The following SULF2 variants were observed in gnomAD, a reference collection of about 807,000 sequenced individuals.
SULF2 encodes the protein sulfatase 2, also known as extracellular sulfatase Sulf-2.
Under a neutral mutation model 107.7 loss-of-function variants are expected in SULF2, and 52 were observed. The ratio of observed to expected loss-of-function variants is 0.48; its 90% CI spans 0.39 to 0.61. The LOEUF (loss-of-function observed/expected upper bound fraction) is 0.61. Ranked by LOEUF, SULF2 falls within the 20% of genes least tolerant of loss-of-function variation. The pLI is 0.00. For missense variants in SULF2, 993 were observed against 1,177.3 expected (o/e 0.84, Z 2.29); for synonymous variants, 460 against 464.3 (o/e 0.99, Z 0.12).
chr20:47,777,364 C>T (rs1364433684), intron 1 of SULF2, among the ~76,000 whole-genome samples: 1 of 151,884 alleles, frequency 6.6e-6, no homozygotes, highest in African/African-American at 2.4e-5. Context: ...AGAGAGACAG[C>T]AAGGAGTCCT....
chr20:47,685,899 G>T (rs938507373), intron 5 of SULF2: 14 of 152,266 alleles, frequency 9.2e-5, no homozygotes, highest in African/African-American at 3.1e-4. Context: ...ACCCCAAGCA[G>T]GTATCTATGA....
intron 3 of SULF2, among the ~76,000 whole-genome samples, chr20:47,720,373 A>T (rs1424565451): frequency 6.6e-6 from 1 of 151,914 alleles, no homozygotes; most frequent in African/African-American, 2.4e-5. Flanking sequence ...CTCCCACCTT[A>T]GCCTCCTGAG....
At chr20:47,687,258 C>CT (rs2088038689) in intron 5 of SULF2, among the ~76,000 whole-genome samples, 1 of 152,134 alleles carries the variant, frequency 6.6e-6, no homozygotes, top group Non-Finnish European at 1.5e-5. Context: ...CCGGGTGGTG[C>CT]TTGGGGTCGA....
chr20:47,751,335 A>C (rs2090153939), intron 2 of SULF2, among the ~76,000 whole-genome samples: 1 of 152,186 alleles, frequency 6.6e-6, no homozygotes, highest in South Asian at 2.1e-4. Context: ...CTCATGGTTC[A>C]AGTGGGGTTG....
chr20:47,749,325 G>C (rs2090113263), intron 2 of SULF2, among the ~76,000 whole-genome samples: 1 of 152,110 alleles, frequency 6.6e-6, no homozygotes, highest in South Asian at 2.1e-4. Flanking sequence ...TTAACTTCCA[G>C]AACTCAAGTG....
chr20:47,734,148 G>C (rs926142715), intron 3 of SULF2, among the ~76,000 whole-genome samples: 1 of 152,186 alleles, frequency 6.6e-6, no homozygotes, highest in African/African-American at 2.4e-5. Context: ...TCACCAATGG[G>C]AAATAAGGAG....
chr20:47,697,412 C>T (rs1235332897), intron 4 of SULF2, among the ~76,000 whole-genome samples: 3 of 152,184 alleles, frequency 2.0e-5, no homozygotes, highest in African/African-American at 2.4e-5. Context: ...CAACAAGGCC[C>T]GCCCGAGGCC....
At chr20:47,740,772 C>T (rs925637685) in intron 2 of SULF2, among the ~76,000 whole-genome samples, 12 of 152,104 alleles carry the variant, frequency 7.9e-5, no homozygotes, top group Non-Finnish European at 1.5e-4. Context: ...TTGGTAAAAC[C>T]CGGACCTGAC....
intron 4 of SULF2, among the ~76,000 whole-genome samples, chr20:47,693,062 A>T (rs1044173737): frequency 6.6e-6 from 1 of 152,206 alleles, no homozygotes; most frequent in Non-Finnish European, 1.5e-5. Context: ...TGCTCCTTGA[A>T]TATTATTTAT....
Position 47,676,515 on chromosome 20 carries a change from C to A in SULF2, c.1359G>T (p.Thr453=). ...KDLCQRAEYQ[T]ACEQLGQKWQ... Reference sequence around the variant, plus strand: ...TTACCTGTCCCAGCTGCTCACACGCCGTCTGGTACTCAGCACGCTGACACA... The same window carrying A: ...TTACCTGTCCCAGCTGCTCACACGCAGTCTGGTACTCAGCACGCTGACACA... The change falls in exon 10 of 21, where the codon ACG becomes ACT. Residue 453 remains threonine, a synonymous_variant. Transcript: ENST00000688720. 3.1e-6 allele frequency: 5 copies of A among 1,606,558 alleles called. No individual in the cohort carries two copies. Among genetic ancestry groups the A allele is most frequent in the Non-Finnish European group, 4.2e-6 (5 of 1,177,604 alleles).
intron 1 of SULF2, among the ~76,000 whole-genome samples, chr20:47,770,353 G>A (rs2090606817): frequency 6.6e-6 from 1 of 152,102 alleles, no homozygotes; most frequent in African/African-American, 2.4e-5. Context: ...GAGCCACCAT[G>A]CCCAGCCCTG....
At chr20:47,756,867 A>G (rs1246957521) in intron 2 of SULF2, among the ~76,000 whole-genome samples, 1 of 152,110 alleles carries the variant, frequency 6.6e-6, no homozygotes, top group African/African-American at 2.4e-5. Flanking sequence ...GCTGGTCTCG[A>G]ACCCCTGACT....
intron 1 of SULF2, among the ~76,000 whole-genome samples, chr20:47,779,011 G>T (rs1458223518): frequency 6.6e-6 from 1 of 152,132 alleles, no homozygotes; most frequent in African/African-American, 2.4e-5. Flanking sequence ...AGACATCCAG[G>T]TGGGGTTCAT....
intron 4 of SULF2, among the ~76,000 whole-genome samples, chr20:47,691,172 A>G (rs1309878804): frequency 6.6e-6 from 1 of 152,202 alleles, no homozygotes; most frequent in African/African-American, 2.4e-5. Context: ...TATATCCCTA[A>G]GTCCCTGGGG....
rs775469367 is a variant in SULF2, at chr20:47,743,932, CTTT to C, written c.176-6993_176-6991del. Among the ~76,000 whole-genome samples the C allele has an allele frequency of 2.0e-5, 3 of 152,338 alleles. No homozygotes were observed. The South Asian group carries it at 6.2e-4, about 32-fold the overall frequency. Reference sequence around the variant, plus strand: ...TGCCTTCAGGTTTCTGCAAATATCACTTTCTCAGCAAGGCTTTCTCTGGACTGT... The same window carrying C: ...TGCCTTCAGGTTTCTGCAAATATCACCTCAGCAAGGCTTTCTCTGGACTGT... On this transcript the variant is annotated intron_variant, in intron 2 of 20. Transcript: ENST00000688720.
At position 47,761,705 on chromosome 20, in the gene SULF2, G is replaced by A. The variant is rs2090423214; in HGVS notation, c.-100-4242C>T. ...AGACTTTCTGCTGGAGGTAACTGGAGGCTGCCAGACAGCTGAAAAGGAGAC... is the reference window on the plus strand; with the variant it reads ...AGACTTTCTGCTGGAGGTAACTGGAAGCTGCCAGACAGCTGAAAAGGAGAC... On this transcript the variant is annotated intron_variant, in intron 1 of 20. Transcript: ENST00000688720. 3.3e-5 allele frequency among the ~76,000 whole-genome samples: 5 copies of A among 151,676 alleles called. No individual in the cohort carries two copies. In the South Asian group the frequency reaches 8.6e-4, roughly 26 times the overall value.
At chr20:47,735,946 C>T (rs1261784617) in intron 3 of SULF2, among the ~76,000 whole-genome samples, 1 of 152,188 alleles carries the variant, frequency 6.6e-6, no homozygotes, top group East Asian at 1.9e-4. Context: ...ACATCTGAGC[C>T]ACAATATCTT....
chr20:47,758,245 T>C (rs982682802), intron 1 of SULF2, among the ~76,000 whole-genome samples: 1 of 147,994 alleles, frequency 6.8e-6, no homozygotes, highest in African/African-American at 2.5e-5. Context: ...CTGGGCTCAC[T>C]GCGACCTCTG....
At chr20:47,778,866 C>G (rs1312116598) in intron 1 of SULF2, among the ~76,000 whole-genome samples, 1 of 152,146 alleles carries the variant, frequency 6.6e-6, no homozygotes, top group Non-Finnish European at 1.5e-5. Flanking sequence ...CACTAGAAAA[C>G]AAAACACATT....
Sources: gnomAD v4.1 joint callset for allele counts (sites outside exome capture counted in the v4.1 genomes callset) on GRCh38, gnomAD v4.1.1 for gene constraint, MANE v1.5 for transcripts, NCBI Gene and HGNC (gene_info 2026-07-23, HGNC 2026-07-21) for gene names.